SLC19A3: variants seen among roughly 807,000 people sequenced by gnomAD.
SLC19A3 encodes the protein thiamine transporter 2.
A neutral mutation model predicts 40.2 loss-of-function variants in SLC19A3; 31 were observed. The ratio of observed to expected loss-of-function variants is 0.77; its 90% CI spans 0.58 to 1.04. SLC19A3 has a LOEUF of 1.04. SLC19A3 is among the 50% of genes least tolerant of loss of function. The pLI is 0.00. For missense variants in SLC19A3, 592 were observed against 596.7 expected, an observed-to-expected ratio of 0.99 and a Z score of 0.08; for synonymous variants, 212 against 227.5, an observed-to-expected ratio of 0.93 and a Z score of 0.61.
rs1695809653 is a variant in SLC19A3, at chr2:227,703,752, T to TC, written c.-2-1433dup. Reference sequence around the variant, plus strand: ...GGCTTGGTCATCTTCTGAAGAGTGGTCTTGCTGGGGTAGCATCTGCTGGCT... The same window carrying TC: ...GGCTTGGTCATCTTCTGAAGAGTGGTCCTTGCTGGGGTAGCATCTGCTGGCT... On this transcript the variant is annotated intron_variant, in intron 1 of 5. Coordinates refer to ENST00000644224, the MANE Select transcript of SLC19A3 (RefSeq NM_025243.4). The surrounding 1 kb of genome is among the most constrained non-coding windows in gnomAD (Gnocchi z 4.7). 6.6e-6 allele frequency among the ~76,000 whole-genome samples: 1 copy of TC among 152,110 alleles called. No individual in the cohort carries two copies. Among genetic ancestry groups the TC allele is most frequent in the Non-Finnish European group, 1.5e-5 (1 of 68,030 alleles).
At chr2:227,688,794 A>T (rs1049552237) in intron 4 of SLC19A3, among the ~76,000 whole-genome samples, 5 of 152,178 alleles carry the variant, frequency 3.3e-5, no homozygotes, top group Admixed American at 3.3e-4. Context: ...GGCACCAGGG[A>T]CCAATCCTGG....
intron 4 of SLC19A3, 28 bp downstream of exon 4, chr2:227,695,861 A>T: frequency 6.2e-7 from 1 of 1,603,580 alleles, no homozygotes; most frequent in Non-Finnish European, 8.5e-7. Flanking sequence ...AATACAGTTC[A>T]GTTTTAGGAG....
intron 2 of SLC19A3, chr2:227,701,346 T>A (rs1382810702): frequency 4.9e-6 from 1 of 202,628 alleles, no homozygotes; most frequent in East Asian, 1.5e-4. Flanking sequence ...GCGAGGCCGG[T>A]GGCGGTGGCT....
At position 227,687,072 on chromosome 2, in the gene SLC19A3, G is replaced by A; in HGVS notation, c.*325C>T. ...GGTGAATATCAACTCCAGGATGGCTGGAGTTTTCTCATGGTTTGGTTCCAC... is the reference window on the plus strand; with the variant it reads ...GGTGAATATCAACTCCAGGATGGCTAGAGTTTTCTCATGGTTTGGTTCCAC... On this transcript the variant is annotated 3_prime_UTR_variant, in exon 6 of 6. Transcript: ENST00000644224. 1 of 219,768 alleles carries A rather than the reference G, an allele frequency of 4.6e-6. No individual in the cohort carries two copies. Among genetic ancestry groups the A allele is most frequent in the Non-Finnish European group, 9.1e-6 (1 of 110,474 alleles). 13.6% of individuals were successfully genotyped at this position (219,768 alleles called of 1,614,324 possible).
In SLC19A3 at chr2:227,696,005, G is replaced by C. The variant is rs149806390; in HGVS notation, c.1056C>G (p.Phe352Leu). Residue 352 changes from phenylalanine (F) to leucine (L), a missense_variant, in exon 4 of 6, where the codon TTC becomes TTG. By Grantham distance (22) the Phe-to-Leu change is conservative. Transcript: ENST00000644224. ...ATAAAGAACCGGCATTGACAACTGAGAAGACCACCAGAGCCAGCTCTCCCA... is the reference window on the plus strand; with the variant it reads ...ATAAAGAACCGGCATTGACAACTGACAAGACCACCAGAGCCAGCTCTCCCA... ...DLLGELALVV[F>L]SVVNAGSLFL... is the part of the protein sequence containing the mutation. 1.5e-4 allele frequency: 239 copies of C among 1,614,116 alleles called. No individual in the cohort carries two copies. The African/African-American group carries it at 2.9e-3, about 20-fold the overall frequency.
At chr2:227,704,119 T>C (rs914451672) in intron 1 of SLC19A3, among the ~76,000 whole-genome samples, 1 of 152,106 alleles carries the variant, frequency 6.6e-6, no homozygotes, top group African/African-American at 2.4e-5. Context: ...GCTGAATGAA[T>C]TGAATAAACA....
chr2:227,712,146 G>A (rs141138274), intron 1 of SLC19A3, among the ~76,000 whole-genome samples: 1 of 149,304 alleles, frequency 6.7e-6, no homozygotes, highest in Non-Finnish European at 1.5e-5. Context: ...GCTCACGACT[G>A]TAATCCCAGC....
chr2:227,713,429 G>T (rs1394879875), intron 1 of SLC19A3, among the ~76,000 whole-genome samples: 2 of 148,488 alleles, frequency 1.3e-5, no homozygotes, highest in African/African-American at 4.9e-5. Context: ...AAAAAGAGGG[G>T]GTGGGGCTTT....
intron 4 of SLC19A3, chr2:227,695,657 G>T: frequency 1.9e-6 from 1 of 539,612 alleles, no homozygotes; most frequent in Non-Finnish European, 3.3e-6. Flanking sequence ...ACTGCTTTTG[G>T]TCTATAAACC....
intron 4 of SLC19A3, among the ~76,000 whole-genome samples, chr2:227,688,661 G>A (rs1044635551): frequency 4.6e-5 from 7 of 152,000 alleles, no homozygotes; most frequent in African/African-American, 1.7e-4. Context: ...CGGAGGACAG[G>A]TACAAAAAAG....
Position 227,685,665 on chromosome 2 carries a change from A to T in SLC19A3, c.*1732T>A. 6.6e-6 allele frequency: 1 copy of T among 152,462 alleles called. No homozygotes were observed. Among genetic ancestry groups the T allele is most frequent in the East Asian group, 1.9e-4 (1 of 5,202 alleles). The allele number at this position is 152,462 out of a possible 1,614,324, so 9.4% of individuals were successfully genotyped here. A position where few individuals can be genotyped will look rare whatever the true frequency, so the allele number is the denominator to read the frequency against. ...TACCCTCAAATTAACCTCTCACTTC[A>T]GCCTCCCAAAATGCTGGGATTACAG... On this transcript the variant is annotated 3_prime_UTR_variant, in exon 6 of 6. Transcript: ENST00000644224.
Position 227,684,818 on chromosome 2 carries a change from A to G in SLC19A3, c.*2579T>C, listed in dbSNP as rs910083008. ...ACCAACATGGTGAAACCCCGTCTCT[A>G]CTAAATATACAAAAATCAGCCGGGC... is the stretch of plus-strand genomic sequence containing the variant. On this transcript the variant is annotated 3_prime_UTR_variant, in exon 6 of 6. Transcript: ENST00000644224. 4 of 151,808 alleles carry G rather than the reference A, an allele frequency of 2.6e-5. No individual in the cohort carries two copies. The highest frequency in any genetic ancestry group is 2.6e-4 in the Admixed American group (4 of 15,212). 9.4% of individuals were successfully genotyped at this position (151,808 alleles called of 1,614,324 possible). A position where few individuals can be genotyped will look rare whatever the true frequency, so the allele number is the denominator to read the frequency against.
In SLC19A3 at chr2:227,702,171, C is replaced by T. The variant is rs1131691902; in HGVS notation, c.148G>A (p.Glu50Lys). The part of the protein sequence containing the change: ...SGPDKNLTSA[E>K]ITNEIFPVWT... ...GATATGTATGTATGTTAACTTACCT[C>T]TGCACTGGTCAGGTTTTTATCTGGT... Residue 50 changes from glutamate (E) to lysine (K), a missense_variant and splice_region_variant, in exon 2 of 6, where the codon GAG becomes AAG. Transcript: ENST00000644224. 6.2e-7 allele frequency: 1 copy of T among 1,612,986 alleles called. No homozygotes were observed. The highest frequency in any genetic ancestry group is 1.7e-5 in the Admixed American group (1 of 59,980).
intron 5 of SLC19A3, 65 bp downstream of exon 5, chr2:227,688,101 T>C (rs962256966): frequency 1.5e-5 from 23 of 1,543,478 alleles, no homozygotes; most frequent in East Asian, 6.7e-5. Flanking sequence ...ATTTAAATAT[T>C]GCTTGTTGTA....
rs1695000872 is a variant in SLC19A3, at chr2:227,686,028, C to T, written c.*1369G>A. On this transcript the variant is annotated 3_prime_UTR_variant, in exon 6 of 6. Coordinates refer to ENST00000644224, the MANE Select transcript of SLC19A3 (RefSeq NM_025243.4). ...CCTGGCCAACATTGTGAAACCCCAT[C>T]TCCACTAAAAATACAAAAATTAGCC... is the stretch of plus-strand genomic sequence containing the variant. The T allele has an allele frequency of 6.5e-6, 2 of 307,980 alleles. No individual in the cohort carries two copies. The highest frequency in any genetic ancestry group is 4.0e-5 in the Admixed American group (1 of 25,250). The allele number at this position is 307,980 out of a possible 1,614,324, so 19.1% of individuals were successfully genotyped here. A position where few individuals can be genotyped will look rare whatever the true frequency, so the allele number is the denominator to read the frequency against.
At chr2:227,691,873 T>C (rs1695244190) in intron 4 of SLC19A3, among the ~76,000 whole-genome samples, 1 of 152,056 alleles carries the variant, frequency 6.6e-6, no homozygotes, top group Non-Finnish European at 1.5e-5. Context: ...TAAATAAAAC[T>C]AGAGATGTAA....
chr2:227,703,365 A>C lies in SLC19A3; in HGVS notation c.-2-1045T>G, dbSNP rs1695784387. Among the ~76,000 whole-genome samples, 1 of 152,140 alleles carries C rather than the reference A, an allele frequency of 6.6e-6. No individual in the cohort carries two copies. The highest frequency in any genetic ancestry group is 2.1e-4 in the South Asian group (1 of 4,820). On this transcript the variant is annotated intron_variant, in intron 1 of 5. Transcript: ENST00000644224. The surrounding 1 kb of genome is among the most constrained non-coding windows in gnomAD (Gnocchi z 4.7). ...GGGGTTGGGGAGGTAGGAAGGACCT[A>C]CTAGGTCACATCATTGCGGCTTGCC...
At chr2:227,701,359 C>G (rs561917460) in intron 2 of SLC19A3, 1 of 189,776 alleles carries the variant, frequency 5.3e-6, no homozygotes, top group East Asian at 1.6e-4. Context: ...CGGTGGCTCA[C>G]GCCTGTAATC....
intron 4 of SLC19A3, among the ~76,000 whole-genome samples, chr2:227,691,394 C>T (rs940305138): frequency 6.6e-6 from 1 of 152,086 alleles, no homozygotes; most frequent in African/African-American, 2.4e-5. Flanking sequence ...ATCACTTGAG[C>T]TCCAGAGTTC....
Sources: gnomAD v4.1 joint callset for allele counts (sites outside exome capture counted in the v4.1 genomes callset) on GRCh38, gnomAD v4.1.1 for gene constraint, Gnocchi (gnomAD v3.1) non-coding constraint, MANE v1.5 for transcripts, NCBI Gene and HGNC (gene_info 2026-07-23, HGNC 2026-07-21) for gene names.